Variants in CDKAL1 observed in about 807,000 individuals in gnomAD.
The protein encoded by CDKAL1 is CDKAL1 threonylcarbamoyladenosine tRNA methylthiotransferase.
In CDKAL1, 32 loss-of-function variants were observed where a neutral mutation model predicts 68.2. That is an observed-to-expected ratio of 0.47 (90% CI 0.35 to 0.63). The LOEUF is 0.63. Among genes scored for constraint, CDKAL1 ranks in the 30% least tolerant of loss-of-function variants. The pLI, the probability that CDKAL1 is intolerant of heterozygous loss-of-function variation, is 0.00. For synonymous variants in CDKAL1, 234 were observed against 244.3 expected (o/e 0.96, Z 0.39); for missense variants, 606 against 696.7 (o/e 0.87, Z 1.47).
intron 5 of CDKAL1, among the ~76,000 whole-genome samples, chr6:20,703,966 A>T (rs946656493): frequency 1.3e-5 from 2 of 152,228 alleles, no homozygotes; most frequent in African/African-American, 2.4e-5. Flanking sequence ...ATTAAACACT[A>T]ATAAAATTAT....
At chr6:20,668,815 A>AT (rs1339614273) in intron 5 of CDKAL1, among the ~76,000 whole-genome samples, 2 of 151,954 alleles carry the variant, frequency 1.3e-5, no homozygotes, top group Non-Finnish European at 2.9e-5. Flanking sequence ...ACAGATCCTC[A>AT]TTTTTTTCTT....
At chr6:20,616,034 G>A (rs1238376821) in intron 4 of CDKAL1, among the ~76,000 whole-genome samples, 1 of 148,614 alleles carries the variant, frequency 6.7e-6, no homozygotes, top group African/African-American at 2.5e-5. Flanking sequence ...TTATTAAATA[G>A]GGAATCCTTT....
intron 13 of CDKAL1, among the ~76,000 whole-genome samples, chr6:21,123,183 G>T (rs2151011147): frequency 6.6e-6 from 1 of 152,252 alleles, no homozygotes; most frequent in East Asian, 1.9e-4. Flanking sequence ...GCTGGGCACG[G>T]CATTGGGATA....
chr6:20,648,035 A>G (rs367980581), intron 4 of CDKAL1, among the ~76,000 whole-genome samples: 3 of 149,100 alleles, frequency 2.0e-5, no homozygotes, highest in Admixed American at 6.7e-5. Flanking sequence ...AGATCATGCC[A>G]CTGCACTCCA....
intron 8 of CDKAL1, among the ~76,000 whole-genome samples, chr6:20,786,492 ATC>A (rs1775677680): frequency 2.2e-5 from 2 of 92,296 alleles, no homozygotes; most frequent in Admixed American, 1.3e-4. Context: ...ATTTTTTCTT[ATC>A]TTTTTTTTTT....
chr6:20,765,776 A>G (rs1207185783), intron 7 of CDKAL1, among the ~76,000 whole-genome samples: 1 of 152,198 alleles, frequency 6.6e-6, no homozygotes, highest in Non-Finnish European at 1.5e-5. Context: ...TAATACCAGA[A>G]AGGACTTTGT....
chr6:20,909,185 ATGTGTGTGTGTGTG>A (rs57042223), intron 9 of CDKAL1, among the ~76,000 whole-genome samples: 1 of 119,208 alleles, frequency 8.4e-6, no homozygotes, highest in African/African-American at 3.0e-5. Context: ...GTGTGCATGT[ATGTGTGTGTGTGTG>A]TGTGTGTGTG....
Position 20,826,428 on chromosome 6 carries a change from A to G in CDKAL1, c.639-19647A>G, listed in dbSNP as rs192213622. On this transcript the variant is annotated intron_variant, in intron 8 of 15. Coordinates refer to ENST00000274695, the MANE Select transcript of CDKAL1 (RefSeq NM_017774.3). ...GGTGTTTTGAATTGTTTTGGAAGTT[A>G]TAAATGGAATTGTGTACTTCAGAGA... Among the ~76,000 whole-genome samples, 380 of 152,270 alleles carry G rather than the reference A, an allele frequency of 2.5e-3. 2 individuals are homozygous for G. The highest frequency in any genetic ancestry group is 8.5e-3 in the African/African-American group (354 of 41,566).
intron 10 of CDKAL1, among the ~76,000 whole-genome samples, chr6:20,980,192 GATAGATATAGATATAGAT>G (rs61624482): frequency 3.0e-4 from 45 of 149,088 alleles, no homozygotes; most frequent in African/African-American, 5.7e-4. Flanking sequence ...TCCAAAGATA[GATAGATATAGATATAGAT>G]ATAGATATAG....
At chr6:21,217,284 A>G (rs188521763) in intron 15 of CDKAL1, among the ~76,000 whole-genome samples, 136 of 110,486 alleles carry the variant, frequency 1.2e-3, no homozygotes, top group Admixed American at 3.1e-3. Context: ...GATGTTTAGG[A>G]TTTCTTTTTC....
At chr6:20,580,919 A>G (rs922416267) in intron 4 of CDKAL1, among the ~76,000 whole-genome samples, 9 of 152,016 alleles carry the variant, frequency 5.9e-5, no homozygotes, top group African/African-American at 2.2e-4. Flanking sequence ...CCTCCTGAGT[A>G]ACTGGGATTA....
chr6:20,698,561 G>A (rs1418358343), intron 5 of CDKAL1, among the ~76,000 whole-genome samples: 1 of 152,102 alleles, frequency 6.6e-6, no homozygotes, highest in Non-Finnish European at 1.5e-5. Flanking sequence ...TTTTGGGCTG[G>A]TCAGCTGTTT....
chr6:20,919,886 T>C (rs925493349), intron 9 of CDKAL1, among the ~76,000 whole-genome samples: 1 of 152,140 alleles, frequency 6.6e-6, no homozygotes, highest in Non-Finnish European at 1.5e-5. Flanking sequence ...AGTTCTGAAA[T>C]GAGCAATTTG....
chr6:21,001,925 G>C (rs1387205274), intron 11 of CDKAL1, among the ~76,000 whole-genome samples: 3 of 152,202 alleles, frequency 2.0e-5, no homozygotes, highest in Admixed American at 6.5e-5. Flanking sequence ...CCCGGGTGCA[G>C]AATAGACTAG....
chr6:21,143,996 T>A (rs1776045118), intron 13 of CDKAL1, among the ~76,000 whole-genome samples: 1 of 149,956 alleles, frequency 6.7e-6, no homozygotes, highest in Non-Finnish European at 1.5e-5. Flanking sequence ...AGTTGGATGG[T>A]AAAAAAAAAA....
intron 4 of CDKAL1, among the ~76,000 whole-genome samples, chr6:20,582,145 A>C (rs937300409): frequency 3.3e-5 from 5 of 152,272 alleles, no homozygotes; most frequent in Non-Finnish European, 7.4e-5. Context: ...GTAAAATTTA[A>C]TATGTTCCTT....
At chr6:21,003,371 T>TATATATATATATACACACAC in intron 11 of CDKAL1, among the ~76,000 whole-genome samples, 2 of 49,300 alleles carry the variant, frequency 4.1e-5, no homozygotes, top group Admixed American at 2.9e-4. Flanking sequence ...TATATATATA[T>TATATATATATATACACACAC]ACACACACAC....
intron 8 of CDKAL1, among the ~76,000 whole-genome samples, chr6:20,835,838 C>T: frequency 6.6e-6 from 1 of 152,164 alleles, no homozygotes; most frequent in Non-Finnish European, 1.5e-5. Context: ...GCATGAGTCA[C>T]TGCGCCTGGC....
In CDKAL1 at chr6:20,783,230, G is replaced by GA. The variant is rs1775510668; in HGVS notation, c.638+1970dup. Among the ~76,000 whole-genome samples the GA allele has an allele frequency of 2.0e-5, 3 of 152,030 alleles. No individual in the cohort carries two copies. The South Asian group carries it at 6.2e-4, about 32-fold the overall frequency. On this transcript the variant is annotated intron_variant, in intron 8 of 15. Transcript: ENST00000274695. Reference sequence around the variant, plus strand: ...CAGGCATGAGCCACTGCACCCAGCTGAAAAATGCCGGTTTTGTGTGTGTGT... The same window carrying GA: ...CAGGCATGAGCCACTGCACCCAGCTGAAAAAATGCCGGTTTTGTGTGTGTGT...
Sources: allele counts gnomAD v4.1 joint callset (sites outside exome capture counted in the v4.1 genomes callset), GRCh38; gene constraint gnomAD v4.1.1; transcripts MANE v1.5; gene names NCBI Gene and HGNC (gene_info 2026-07-23, HGNC 2026-07-21).